SOX5: variants seen among roughly 807,000 people sequenced by gnomAD.
The protein encoded by SOX5 is transcription factor SOX-5.
In SOX5, 9 loss-of-function variants were observed where a neutral mutation model predicts 92.0. The ratio of observed to expected loss-of-function variants is 0.10; its 90% CI spans 0.06 to 0.17. SOX5 has a LOEUF of 0.17. SOX5 is among the 10% of genes least tolerant of loss of function. SOX5 has a pLI of 1.00. For synonymous variants in SOX5, 344 were observed against 336.3 expected (o/e 1.02, Z -0.25); for missense variants, 642 against 944.5 (o/e 0.68, Z 4.20).
intron 11 of SOX5, among the ~76,000 whole-genome samples, chr12:23,553,606 T>C (rs764095052): frequency 6.6e-6 from 1 of 152,034 alleles, no homozygotes. Context: ...TCAGCCAATA[T>C]CTAAAGAAAA....
chr12:24,294,484 G>A (rs1758193077), intron 2 of SOX5, among the ~76,000 whole-genome samples: 1 of 152,102 alleles, frequency 6.6e-6, no homozygotes, highest in African/African-American at 2.4e-5. Flanking sequence ...GAACTCAGAG[G>A]GGGCTATTTC....
At chr12:24,487,857 T>C (rs551453734) in intron 1 of SOX5, among the ~76,000 whole-genome samples, 3 of 152,096 alleles carry the variant, frequency 2.0e-5, no homozygotes, top group African/African-American at 4.8e-5. Flanking sequence ...CTTTTTTTTT[T>C]CCCCAAAGAC....
chr12:23,904,966 A>G (rs1218291907), intron 1 of SOX5, among the ~76,000 whole-genome samples: 3 of 152,206 alleles, frequency 2.0e-5, no homozygotes, highest in Non-Finnish European at 4.4e-5. Flanking sequence ...ATGTAAAGGT[A>G]CAAGGTTCTC....
At chr12:23,706,172 T>C (rs1451299920) in intron 6 of SOX5, among the ~76,000 whole-genome samples, 1 of 151,890 alleles carries the variant, frequency 6.6e-6, no homozygotes, top group Admixed American at 6.6e-5. Context: ...AGTAAACAAA[T>C]GGCAAAGAGG....
At chr12:24,074,023 G>A (rs986495018) in intron 4 of SOX5, among the ~76,000 whole-genome samples, 3 of 151,970 alleles carry the variant, frequency 2.0e-5, no homozygotes, top group Non-Finnish European at 4.4e-5. Context: ...TAGCCTGGAT[G>A]ACAGAGACCA....
chr12:23,720,212 G>A (rs2092737527), intron 6 of SOX5, among the ~76,000 whole-genome samples: 1 of 152,102 alleles, frequency 6.6e-6, no homozygotes, highest in Non-Finnish European at 1.5e-5. Context: ...TAAGAAAAAA[G>A]CCTTCAATAA....
intron 1 of SOX5, among the ~76,000 whole-genome samples, chr12:23,898,856 T>C (rs538663063): frequency 4.6e-5 from 7 of 152,300 alleles, no homozygotes; most frequent in South Asian, 2.1e-4. Context: ...AGGTAAAAGA[T>C]TGCTTAAAGA....
At chr12:24,044,928 A>G (rs1956853162) in intron 4 of SOX5, among the ~76,000 whole-genome samples, 1 of 152,258 alleles carries the variant, frequency 6.6e-6, no homozygotes, top group Non-Finnish European at 1.5e-5. Context: ...CAATAAATGT[A>G]GCATGTTCTA....
At chr12:24,323,529 C>T (rs1431419290) in intron 2 of SOX5, among the ~76,000 whole-genome samples, 7 of 151,868 alleles carry the variant, frequency 4.6e-5, no homozygotes, top group Non-Finnish European at 1.0e-4. Flanking sequence ...CTCTTTATAA[C>T]ATGTTTTAAA....
intron 4 of SOX5, among the ~76,000 whole-genome samples, chr12:23,745,438 G>C (rs892685521): frequency 1.3e-5 from 2 of 152,046 alleles, no homozygotes; most frequent in African/African-American, 4.8e-5. Context: ...CATTTCCCCT[G>C]TTTAAAGACC....
intron 1 of SOX5, among the ~76,000 whole-genome samples, chr12:24,519,793 G>T (rs77449943): frequency 0.046 from 7,064 of 152,120 alleles, 233 homozygotes; most frequent in Non-Finnish European, 0.074. Flanking sequence ...ATCTTAACAA[G>T]GTCACCTTGG....
In SOX5 at chr12:23,827,044, G is replaced by A. The variant is rs540795184; in HGVS notation, c.481+18939C>T. Among the ~76,000 whole-genome samples the A allele has an allele frequency of 6.6e-5, 10 of 152,250 alleles. No homozygotes were observed. The South Asian group carries it at 8.3e-4, about 13-fold the overall frequency. Reference sequence around the variant, plus strand: ...AATTATACCATGCAATGAGCTCTACGTTGATATTATGTTAATGTGTGGGGA... The same window carrying A: ...AATTATACCATGCAATGAGCTCTACATTGATATTATGTTAATGTGTGGGGA... On this transcript the variant is annotated intron_variant, in intron 3 of 14. Coordinates refer to ENST00000451604, the MANE Select transcript of SOX5 (RefSeq NM_006940.6).
At chr12:24,432,884 T>G (rs956676705) in intron 1 of SOX5, among the ~76,000 whole-genome samples, 1 of 152,156 alleles carries the variant, frequency 6.6e-6, no homozygotes, top group Non-Finnish European at 1.5e-5. Context: ...ATGATCCAAC[T>G]CTTATTTTTT....
intron 1 of SOX5, among the ~76,000 whole-genome samples, chr12:24,376,999 G>A (rs576770248): frequency 3.3e-5 from 5 of 151,424 alleles, no homozygotes; most frequent in Non-Finnish European, 5.9e-5. Context: ...GCATAATCTC[G>A]ACATGGCCCC....
intron 3 of SOX5, among the ~76,000 whole-genome samples, chr12:23,780,248 A>T (rs2095247778): frequency 6.6e-6 from 1 of 151,666 alleles, no homozygotes; most frequent in Non-Finnish European, 1.5e-5. Flanking sequence ...TTTTTTCTTA[A>T]TTTTATAAAT....
At chr12:24,425,904 C>A (rs1277221582) in intron 1 of SOX5, among the ~76,000 whole-genome samples, 1 of 152,216 alleles carries the variant, frequency 6.6e-6, no homozygotes, top group Non-Finnish European at 1.5e-5. Flanking sequence ...TCCTCATCCA[C>A]ATCACCTAAA....
intron 3 of SOX5, among the ~76,000 whole-genome samples, chr12:23,835,264 G>A (rs903521857): frequency 7.2e-5 from 11 of 151,760 alleles, no homozygotes; most frequent in Admixed American, 6.6e-4. Context: ...AAACAAAAGC[G>A]AGAAAAGAAT....
chr12:23,611,789 G>A (rs2075994938), intron 8 of SOX5, among the ~76,000 whole-genome samples: 1 of 152,010 alleles, frequency 6.6e-6, no homozygotes, highest in Non-Finnish European at 1.5e-5. Context: ...TGAAGACAGT[G>A]CAAAGTATGT....
chr12:23,713,056 A>C (rs754550643), intron 6 of SOX5, among the ~76,000 whole-genome samples: 4 of 152,182 alleles, frequency 2.6e-5, no homozygotes, highest in Non-Finnish European at 4.4e-5. Flanking sequence ...GAATGAGATA[A>C]TCTTGGATTT....
Sources: allele counts gnomAD v4.1 joint callset (sites outside exome capture counted in the v4.1 genomes callset), GRCh38; gene constraint gnomAD v4.1.1; transcripts MANE v1.5; gene names NCBI Gene and HGNC (gene_info 2026-07-23, HGNC 2026-07-21).